Variants in DTD1 observed in about 807,000 individuals in gnomAD.
DTD1 encodes the protein D-aminoacyl-tRNA deacylase 1.
A neutral mutation model predicts 25.6 loss-of-function variants in DTD1; 13 were observed. The observed-to-expected ratio is 0.51, with a 90% CI of 0.33 to 0.81. The LOEUF (loss-of-function observed/expected upper bound fraction) is 0.81. Among genes scored for constraint, DTD1 ranks in the 30% least tolerant of loss-of-function variants. DTD1 has a pLI of 0.02. For synonymous variants in DTD1, 110 were observed against 103.6 expected (o/e 1.06, Z -0.37); for missense variants, 193 against 266.4 (o/e 0.72, Z 1.92).
intron 5 of DTD1, among the ~76,000 whole-genome samples, chr20:18,748,715 G>A (rs1283820235): frequency 6.6e-6 from 1 of 152,236 alleles, no homozygotes; most frequent in African/African-American, 2.4e-5. Flanking sequence ...CTAAGTTTAC[G>A]AGGGGAATTC....
intron 4 of DTD1, among the ~76,000 whole-genome samples, chr20:18,733,307 G>A (rs1023018790): frequency 2.0e-5 from 3 of 152,234 alleles, no homozygotes; most frequent in Admixed American, 6.5e-5. Flanking sequence ...GTGCCCGCCT[G>A]TGGCCACAGG....
intron 4 of DTD1, among the ~76,000 whole-genome samples, chr20:18,735,586 T>A (rs2061252126): frequency 6.6e-6 from 1 of 152,256 alleles, no homozygotes; most frequent in African/African-American, 2.4e-5. Flanking sequence ...ATTGTCACAA[T>A]CTAAGGGGTC....
chr20:18,712,404 TG>T (rs2061162920), intron 4 of DTD1, among the ~76,000 whole-genome samples: 3 of 13,466 alleles, frequency 2.2e-4, no homozygotes, highest in South Asian at 5.2e-3. Flanking sequence ...GGGGTGGGGG[TG>T]GGGGGGAAGC....
At position 18,711,143 on chromosome 20, in the gene DTD1, C is replaced by T. The variant is rs530712615; in HGVS notation, c.478-32957C>T. Among the ~76,000 whole-genome samples the T allele has an allele frequency of 1.0e-3, 152 of 152,268 alleles. 3 individuals carry two copies. In the South Asian group the frequency reaches 0.021, roughly 21 times the overall value. On this transcript the variant is annotated intron_variant, in intron 4 of 5. Coordinates refer to ENST00000377452, the MANE Select transcript of DTD1 (RefSeq NM_080820.6). ...TGGTGGGAGCAGGCGCTATTCTCAG[C>T]CCTGTGTGAGCGCAGGTGTTGTAAG...
chr20:18,693,080 A>T (rs1266311400), intron 4 of DTD1, among the ~76,000 whole-genome samples: 3 of 151,800 alleles, frequency 2.0e-5, no homozygotes, highest in Admixed American at 6.6e-5. Context: ...TTTAGTAGAG[A>T]TGGGGTTTCA....
intron 5 of DTD1, among the ~76,000 whole-genome samples, chr20:18,745,080 T>C (rs1884783): frequency 0.59 from 89,386 of 151,996 alleles, 26,797 homozygotes; most frequent in Non-Finnish European, 0.63. Flanking sequence ...CAGAGTCCAC[T>C]TGCGCTCCTG....
At chr20:18,636,845 TC>T (rs2060809458) in intron 4 of DTD1, among the ~76,000 whole-genome samples, 2 of 152,164 alleles carry the variant, frequency 1.3e-5, no homozygotes. Context: ...ATCAAAGTTA[TC>T]CAGGGGTTGG....
intron 5 of DTD1, among the ~76,000 whole-genome samples, chr20:18,752,574 A>G (rs1391851775): frequency 6.6e-6 from 1 of 151,902 alleles, no homozygotes; most frequent in South Asian, 2.1e-4. Flanking sequence ...TACATTACCT[A>G]TCTGTTCTTG....
At chr20:18,624,440 C>T (rs1035963906) in intron 3 of DTD1, among the ~76,000 whole-genome samples, 10 of 152,076 alleles carry the variant, frequency 6.6e-5, no homozygotes, top group Non-Finnish European at 8.8e-5. Flanking sequence ...CTTTGAAGAC[C>T]GAAGGAAGTA....
At chr20:18,636,296 A>G (rs896726866) in intron 4 of DTD1, among the ~76,000 whole-genome samples, 3 of 152,232 alleles carry the variant, frequency 2.0e-5, no homozygotes, top group Non-Finnish European at 4.4e-5. Context: ...AAACAGACTC[A>G]GTATTTTAAT....
At chr20:18,745,694 G>A (rs1246071686) in intron 5 of DTD1, among the ~76,000 whole-genome samples, 1 of 152,198 alleles carries the variant, frequency 6.6e-6, no homozygotes, top group African/African-American at 2.4e-5. Context: ...AATTGCAGAA[G>A]GGTGGGAGTG....
At chr20:18,628,389 C>T (rs1000014960) in intron 4 of DTD1, among the ~76,000 whole-genome samples, 156 bp downstream of exon 4, 4 of 152,202 alleles carry the variant, frequency 2.6e-5, no homozygotes, top group African/African-American at 9.7e-5. Context: ...TTACGGTGCA[C>T]TCCTGAGTAC....
chr20:18,744,293 T>C, intron 5 of DTD1, 22 bp downstream of exon 5: 2 of 1,605,420 alleles, frequency 1.2e-6, no homozygotes, highest in East Asian at 4.5e-5. Flanking sequence ...CCTGCTTGGC[T>C]TCATCTTCCC....
chr20:18,687,548 C>T (rs1038168163), intron 4 of DTD1, among the ~76,000 whole-genome samples: 9 of 151,274 alleles, frequency 5.9e-5, no homozygotes, highest in African/African-American at 1.7e-4. Context: ...AAAGGGTTTT[C>T]TTTTTTTTTC....
chr20:18,644,415 C>T (rs970773287), intron 4 of DTD1, among the ~76,000 whole-genome samples: 1 of 152,118 alleles, frequency 6.6e-6, no homozygotes, highest in Non-Finnish European at 1.5e-5. Flanking sequence ...ATAAAGTTGC[C>T]TCAAAACTAT....
chr20:18,708,226 TATATTTTATATATATA>T (rs1568676622), intron 4 of DTD1, among the ~76,000 whole-genome samples: 2 of 6,548 alleles, frequency 3.1e-4, no homozygotes, highest in Non-Finnish European at 7.3e-4. Flanking sequence ...ATAATATATA[TATATTTTATATATATA>T]TAATATATAT....
chr20:18,635,701 T>C (rs1261389776), intron 4 of DTD1, among the ~76,000 whole-genome samples: 1 of 152,202 alleles, frequency 6.6e-6, no homozygotes, highest in Non-Finnish European at 1.5e-5. Context: ...CTGTAAGGGA[T>C]CACTTTTATC....
intron 2 of DTD1, among the ~76,000 whole-genome samples, chr20:18,594,974 TAG>T (rs756565194): frequency 6.6e-6 from 1 of 152,226 alleles, no homozygotes; most frequent in East Asian, 1.9e-4. Context: ...TTAGTATTTA[TAG>T]AGTCTTTGAA....
At chr20:18,724,985 G>A (rs1031292857) in intron 4 of DTD1, among the ~76,000 whole-genome samples, 2 of 152,248 alleles carry the variant, frequency 1.3e-5, no homozygotes, top group African/African-American at 4.8e-5. Context: ...CGTGAGTGAG[G>A]GTTCTTGGCT....
Sources: allele counts gnomAD v4.1 joint callset (sites outside exome capture counted in the v4.1 genomes callset), GRCh38; gene constraint gnomAD v4.1.1; transcripts MANE v1.5; gene names NCBI Gene and HGNC (gene_info 2026-07-23, HGNC 2026-07-21).